Variants in TENM3 observed in about 807,000 individuals in gnomAD.
TENM3 encodes the protein teneurin-3.
In TENM3, 63 loss-of-function variants were observed where a neutral mutation model predicts 255.1. That is an observed-to-expected ratio of 0.25 (90% CI 0.20 to 0.30). The LOEUF (loss-of-function observed/expected upper bound fraction) is 0.30, where lower values mean the gene tolerates loss of function less well. TENM3 is among the 10% of genes least tolerant of loss of function. The pLI, the probability that TENM3 is intolerant of heterozygous loss-of-function variation, is 1.00. For missense variants in TENM3, 2,929 were observed against 3,461.1 expected (o/e 0.85, Z 3.86); for synonymous variants, 1,306 against 1,322.3 (o/e 0.99, Z 0.27).
At chr4:181,480,442 C>T in the TENM3 span, among the ~76,000 whole-genome samples, 3 of 152,030 alleles carry the variant, frequency 2.0e-5, no homozygotes, top group Non-Finnish European at 2.9e-5. Flanking sequence ...TTGTTATCAA[C>T]GTTTGATGTT....
the TENM3 span, chr4:181,980,096 C>T: frequency 6.6e-6 from 1 of 152,212 alleles, no homozygotes; most frequent in Admixed American, 6.5e-5. Context: ...TTACCAGCTT[C>T]ACCTCAAAAG....
chr4:182,170,703 A>G (rs1378893869), intron 1 of TENM3, among the ~76,000 whole-genome samples: 2 of 152,142 alleles, frequency 1.3e-5, no homozygotes, highest in Non-Finnish European at 2.9e-5. Context: ...ATCTTTTTCC[A>G]AGTAAAAAGA....
chr4:182,389,383 GA>G (rs5864782), intron 3 of TENM3, among the ~76,000 whole-genome samples: 32,881 of 141,838 alleles, frequency 0.23, 4,396 homozygotes, highest in East Asian at 0.43. Context: ...TTGGTAGATG[GA>G]AAAAAAAAAA....
chr4:181,634,384 CT>C, the TENM3 span, among the ~76,000 whole-genome samples: 3,648 of 122,996 alleles, frequency 0.03, 68 homozygotes, highest in African/African-American at 0.069. Flanking sequence ...TTTTTTAATT[CT>C]TTTTTTTTTT....
chr4:182,067,420 G>A, the TENM3 span, among the ~76,000 whole-genome samples: 1 of 152,158 alleles, frequency 6.6e-6, no homozygotes, highest in African/African-American at 2.4e-5. Context: ...CTGACTGAAG[G>A]CTACAAAGAC....
At chr4:182,442,927 GT>G (rs1161370056) in intron 3 of TENM3, among the ~76,000 whole-genome samples, 1 of 151,382 alleles carries the variant, frequency 6.6e-6, no homozygotes, top group African/African-American at 2.4e-5. Flanking sequence ...GTTTCGCCAT[GT>G]TGCTCAGGCT....
chr4:182,305,448 A>G (rs1378397389), intron 1 of TENM3, among the ~76,000 whole-genome samples: 3 of 152,220 alleles, frequency 2.0e-5, no homozygotes, highest in African/African-American at 7.2e-5. Flanking sequence ...GTGCTGGAGG[A>G]TTTGTTGAAC....
chr4:181,484,986 A>G, the TENM3 span, among the ~76,000 whole-genome samples: 1 of 152,166 alleles, frequency 6.6e-6, no homozygotes, highest in Admixed American at 6.5e-5. Context: ...TACTTAGGGC[A>G]GAAAGACTCT....
the TENM3 span, among the ~76,000 whole-genome samples, chr4:181,685,382 T>C: frequency 6.6e-6 from 1 of 152,188 alleles, no homozygotes; most frequent in African/African-American, 2.4e-5. Context: ...TCTCAACTTA[T>C]TCCATAAGAG....
At chr4:182,302,053 C>T (rs999320623) in intron 1 of TENM3, among the ~76,000 whole-genome samples, 1 of 152,120 alleles carries the variant, frequency 6.6e-6, no homozygotes, top group African/African-American at 2.4e-5. Flanking sequence ...TTTATCAACC[C>T]TGCTAGCCAA....
At chr4:181,739,226 G>A in the TENM3 span, among the ~76,000 whole-genome samples, 1 of 152,142 alleles carries the variant, frequency 6.6e-6, no homozygotes, top group Non-Finnish European at 1.5e-5. Context: ...GTCCAATAAT[G>A]ATGTTGGCAA....
chr4:181,560,009 A>AT, the TENM3 span, among the ~76,000 whole-genome samples: 1 of 152,230 alleles, frequency 6.6e-6, no homozygotes, highest in Non-Finnish European at 1.5e-5. Flanking sequence ...TAACAATGAC[A>AT]TATTTTAGCT....
At chr4:181,554,036 G>T in the TENM3 span, among the ~76,000 whole-genome samples, 7 of 152,202 alleles carry the variant, frequency 4.6e-5, no homozygotes, top group East Asian at 1.4e-3. Context: ...CCCTCATGCG[G>T]CTCTAACTGT....
intron 1 of TENM3, among the ~76,000 whole-genome samples, chr4:182,318,663 T>G (rs1762880555): frequency 6.6e-6 from 1 of 151,818 alleles, no homozygotes; most frequent in Non-Finnish European, 1.5e-5. Flanking sequence ...TCCAGAGGAG[T>G]GCTATGGTTA....
the TENM3 span, among the ~76,000 whole-genome samples, chr4:181,676,906 A>T: frequency 6.6e-6 from 1 of 151,430 alleles, no homozygotes; most frequent in Admixed American, 6.6e-5. Flanking sequence ...TTCATTCATG[A>T]CCCACCTTAT....
At chr4:181,968,622 G>A in the TENM3 span, among the ~76,000 whole-genome samples, 1 of 152,102 alleles carries the variant, frequency 6.6e-6, no homozygotes, top group Non-Finnish European at 1.5e-5. Flanking sequence ...TAAATGAAAA[G>A]AAAAATGACT....
At chr4:182,270,272 T>G (rs1392639048) in intron 1 of TENM3, among the ~76,000 whole-genome samples, 1 of 152,224 alleles carries the variant, frequency 6.6e-6, no homozygotes, top group African/African-American at 2.4e-5. Flanking sequence ...CTGTAGATGC[T>G]AATTCCCCCC....
chr4:182,547,299 C>A (rs1400083470), intron 3 of TENM3, among the ~76,000 whole-genome samples: 2 of 152,088 alleles, frequency 1.3e-5, no homozygotes, highest in Non-Finnish European at 2.9e-5. Flanking sequence ...TATTTCTAAA[C>A]TATATTATGG....
the TENM3 span, among the ~76,000 whole-genome samples, chr4:181,744,814 T>C: frequency 6.6e-6 from 1 of 152,172 alleles, no homozygotes; most frequent in African/African-American, 2.4e-5. Context: ...TCCAGAGTTT[T>C]TTGTCTGAGC....
Sources: allele counts gnomAD v4.1 joint callset (sites outside exome capture counted in the v4.1 genomes callset), GRCh38; gene constraint gnomAD v4.1.1; transcripts MANE v1.5; gene names NCBI Gene and HGNC (gene_info 2026-07-23, HGNC 2026-07-21).